Variants in TSPAN15 observed in about 807,000 individuals in gnomAD.
TSPAN15 encodes the protein tetraspanin-15.
In TSPAN15, 20 loss-of-function variants were observed where a neutral mutation model predicts 34.5. The observed-to-expected ratio is 0.58, with a 90% confidence interval of 0.41 to 0.84. The LOEUF is 0.84. Among genes scored for constraint, TSPAN15 ranks in the 40% least tolerant of loss-of-function variants. The pLI is 0.00. For missense variants in TSPAN15, 313 were observed against 386.1 expected (o/e 0.81, Z 1.59); for synonymous variants, 155 against 153.9 (o/e 1.01, Z -0.05).
chr10:69,500,501 G>A lies in TSPAN15; in HGVS notation c.570+2105G>A, dbSNP rs75857454. 9.8e-4 allele frequency among the ~76,000 whole-genome samples: 150 copies of A among 152,314 alleles called. 3 individuals carry two copies. The East Asian group carries it at 0.024, about 24-fold the overall frequency. Reference sequence around the variant, plus strand: ...AGTCCCAAGATCTGCAGGGTGAGTCGGCAGGCTGGAGACCCAGGAGAGCTG... The same window carrying A: ...AGTCCCAAGATCTGCAGGGTGAGTCAGCAGGCTGGAGACCCAGGAGAGCTG... On this transcript the variant is annotated intron_variant, in intron 5 of 7. Transcript: ENST00000373290.
chr10:69,483,221 C>G (rs1391242371), intron 1 of TSPAN15, among the ~76,000 whole-genome samples: 1 of 152,094 alleles, frequency 6.6e-6, no homozygotes, highest in Non-Finnish European at 1.5e-5. Flanking sequence ...ATCTCCTGGC[C>G]TCGTGATCTG....
intron 1 of TSPAN15, among the ~76,000 whole-genome samples, chr10:69,467,179 A>G (rs1201244722): frequency 1.3e-5 from 2 of 152,156 alleles, no homozygotes; most frequent in Non-Finnish European, 2.9e-5. Context: ...CCTCTTCCCC[A>G]TGCAGTGAGG....
At chr10:69,465,498 C>T (rs1261620281) in intron 1 of TSPAN15, among the ~76,000 whole-genome samples, 1 of 152,154 alleles carries the variant, frequency 6.6e-6, no homozygotes, top group African/African-American at 2.4e-5. Context: ...CTAGGTTGTC[C>T]TATATTGTCT....
the TSPAN15 span, among the ~76,000 whole-genome samples, chr10:69,542,785 A>G: frequency 3.3e-5 from 5 of 152,196 alleles, no homozygotes; most frequent in Non-Finnish European, 7.3e-5. Context: ...GGTCCCTCCT[A>G]TGTCATGTGA....
At chr10:69,452,848 C>T (rs142700996) in intron 1 of TSPAN15, among the ~76,000 whole-genome samples, 49 of 152,366 alleles carry the variant, frequency 3.2e-4, no homozygotes, top group Middle Eastern at 3.4e-3. Context: ...AATACACACA[C>T]TCTCCCCTGG....
chr10:69,536,956 C>T, the TSPAN15 span, among the ~76,000 whole-genome samples: 1 of 151,178 alleles, frequency 6.6e-6, no homozygotes, highest in East Asian at 1.9e-4. Context: ...TGCACTCCAG[C>T]CTGGGCAAGA....
chr10:69,525,209 C>CT, the TSPAN15 span, among the ~76,000 whole-genome samples: 1 of 147,636 alleles, frequency 6.8e-6, no homozygotes, highest in Non-Finnish European at 1.5e-5. Flanking sequence ...TGAATAAACA[C>CT]TATTAAATAA....
chr10:69,463,898 A>G (rs1191295629), intron 1 of TSPAN15, among the ~76,000 whole-genome samples: 1 of 152,198 alleles, frequency 6.6e-6, no homozygotes, highest in Non-Finnish European at 1.5e-5. Flanking sequence ...TTTTGCAGAT[A>G]TAATTCAGTT....
At position 69,507,173 on chromosome 10, in the gene TSPAN15, G is replaced by C. The variant is rs1842348569; in HGVS notation, c.*195G>C. On this transcript the variant is annotated 3_prime_UTR_variant, in exon 8 of 8. Transcript: ENST00000373290. The stretch of plus-strand genomic sequence containing the variant: ...GCAGAGCCTGGGCCTCCCCTAAGAG[G>C]CTTTCCCCGAGGCAGCTCTGGAATC... The C allele has an allele frequency of 4.2e-6, 6 of 1,425,066 alleles. No homozygotes were observed. The highest frequency in any genetic ancestry group is 5.5e-6 in the Non-Finnish European group (6 of 1,096,268). The allele number at this position is 1,425,066 out of a possible 1,614,324, so 88.3% of individuals were successfully genotyped here.
intron 1 of TSPAN15, among the ~76,000 whole-genome samples, chr10:69,482,234 AAAG>A (rs1210956661): frequency 2.0e-5 from 3 of 152,268 alleles, no homozygotes; most frequent in Non-Finnish European, 4.4e-5. Context: ...GCAACTGAGC[AAAG>A]AAGAGAAGGA....
intron 1 of TSPAN15, among the ~76,000 whole-genome samples, chr10:69,458,594 C>A (rs1841167246): frequency 6.6e-6 from 1 of 152,160 alleles, no homozygotes; most frequent in African/African-American, 2.4e-5. Flanking sequence ...AAGTGGCCAG[C>A]CGTGCCTAAC....
At chr10:69,498,507 G>A in intron 5 of TSPAN15, 111 bp downstream of exon 5, 1 of 854,042 alleles carries the variant, frequency 1.2e-6, no homozygotes, top group Non-Finnish European at 1.9e-6. Context: ...TGGATGGCAG[G>A]GAAGTAGGAG....
chr10:69,490,523 A>C (rs10998834), intron 3 of TSPAN15, among the ~76,000 whole-genome samples: 68,298 of 152,000 alleles, frequency 0.45, 15,804 homozygotes, highest in African/African-American at 0.52. Context: ...GAGTTTGAGA[A>C]CAGCCTGGCC....
intron 1 of TSPAN15, among the ~76,000 whole-genome samples, chr10:69,468,864 T>G (rs1841444815): frequency 6.6e-6 from 1 of 152,212 alleles, no homozygotes; most frequent in Admixed American, 6.5e-5. Context: ...ATGTTTGTTC[T>G]TTGTCCCCAG....
chr10:69,544,816 G>A, the TSPAN15 span, among the ~76,000 whole-genome samples: 1 of 152,134 alleles, frequency 6.6e-6, no homozygotes, highest in South Asian at 2.1e-4. Context: ...CCTCCCCTTC[G>A]ACTCGGGAGG....
chr10:69,484,176 G>C, intron 2 of TSPAN15: 1 of 287,906 alleles, frequency 3.5e-6, no homozygotes, highest in Non-Finnish European at 6.6e-6. Context: ...AAAAGGAGAT[G>C]GTAGTGAGTC....
chr10:69,478,258 G>A (rs1040516154), intron 1 of TSPAN15, among the ~76,000 whole-genome samples: 7 of 152,222 alleles, frequency 4.6e-5, no homozygotes, highest in Non-Finnish European at 8.8e-5. Context: ...CTTGGGAAGG[G>A]AGGTGCAGGG....
At chr10:69,458,810 C>G (rs10823378) in intron 1 of TSPAN15, among the ~76,000 whole-genome samples, 1 of 152,056 alleles carries the variant, frequency 6.6e-6, no homozygotes, top group Admixed American at 6.5e-5. Flanking sequence ...CGCTCTTAAC[C>G]TAGACTTTGT....
At chr10:69,485,777 G>T (rs915123224) in intron 3 of TSPAN15, among the ~76,000 whole-genome samples, 2 of 33,790 alleles carry the variant, frequency 5.9e-5, no homozygotes, top group East Asian at 6.9e-4. Flanking sequence ...GGGAGGCTGT[G>T]GGGGGTCATC....
Sources: allele counts gnomAD v4.1 joint callset (sites outside exome capture counted in the v4.1 genomes callset), GRCh38; gene constraint gnomAD v4.1.1; transcripts MANE v1.5; gene names NCBI Gene and HGNC (gene_info 2026-07-23, HGNC 2026-07-21).